The following ARHGEF10L variants were observed in gnomAD, a reference collection of about 807,000 sequenced individuals.
ARHGEF10L encodes the protein Rho guanine nucleotide exchange factor 10 like.
A neutral mutation model predicts 141.2 loss-of-function variants in ARHGEF10L; 69 were observed. That is an observed-to-expected ratio of 0.49 (90% CI 0.40 to 0.60). The LOEUF (loss-of-function observed/expected upper bound fraction) is 0.60. ARHGEF10L is among the 20% of genes least tolerant of loss of function. ARHGEF10L has a pLI of 0.00. For synonymous variants in ARHGEF10L, 711 were observed against 718.5 expected (o/e 0.99, Z 0.17); for missense variants, 1,482 against 1,734.3 (o/e 0.85, Z 2.58).
chr1:17,534,128 AT>A, the ARHGEF10L span, among the ~76,000 whole-genome samples: 47 of 137,680 alleles, frequency 3.4e-4, no homozygotes, highest in East Asian at 2.4e-3. Context: ...CACCTAGCTA[AT>A]TTTTTTTTTT....
the ARHGEF10L span, among the ~76,000 whole-genome samples, chr1:17,529,849 T>G: frequency 1.8e-5 from 2 of 113,480 alleles, no homozygotes; most frequent in African/African-American, 3.4e-5. Flanking sequence ...TTTTTTTTTT[T>G]GAGACGCAAT....
intron 21 of ARHGEF10L, 102 bp downstream of exon 21, chr1:17,640,404 G>A: frequency 1.0e-6 from 1 of 992,064 alleles, no homozygotes; most frequent in Non-Finnish European, 1.5e-6. Context: ...GTCAGCGGGG[G>A]GCAGGGAGGC....
At chr1:17,593,974 G>A (rs1253862855) in intron 4 of ARHGEF10L, among the ~76,000 whole-genome samples, 2 of 149,752 alleles carry the variant, frequency 1.3e-5, no homozygotes, top group Non-Finnish European at 3.0e-5. Flanking sequence ...GTGCATCTAG[G>A]ATGGTGCTCT....
chr1:17,650,732 CAAAAAAA>C (rs71575854), intron 22 of ARHGEF10L, among the ~76,000 whole-genome samples: 1 of 77,910 alleles, frequency 1.3e-5, no homozygotes, highest in Non-Finnish European at 2.5e-5. Context: ...GACCCTGTCT[CAAAAAAA>C]AAAAAAAAAA....
intron 21 of ARHGEF10L, among the ~76,000 whole-genome samples, chr1:17,648,352 A>G (rs535580180): frequency 1.3e-5 from 2 of 151,748 alleles, no homozygotes; most frequent in South Asian, 4.2e-4. Context: ...TTGTTTTTCA[A>G]CTCCCTGCCT....
intron 26 of ARHGEF10L, among the ~76,000 whole-genome samples, chr1:17,665,657 T>C (rs1033725251): frequency 2.6e-5 from 4 of 152,184 alleles, no homozygotes; most frequent in East Asian, 1.9e-4. Flanking sequence ...CAGTCTGTAA[T>C]GGGAATAAGT....
chr1:17,662,935 C>G (rs1278378347), intron 25 of ARHGEF10L, among the ~76,000 whole-genome samples: 1 of 152,096 alleles, frequency 6.6e-6, no homozygotes, highest in African/African-American at 2.4e-5. Flanking sequence ...CTAGCTGTGT[C>G]CTGCCTTCTA....
At position 17,644,181 on chromosome 1, in the gene ARHGEF10L, C is replaced by T. The variant is rs369808461; in HGVS notation, c.2272+3879C>T. 6.6e-6 allele frequency among the ~76,000 whole-genome samples: 1 copy of T among 152,274 alleles called. No homozygotes were observed. The highest frequency in any genetic ancestry group is 1.5e-5 in the Non-Finnish European group (1 of 68,050). On this transcript the variant is annotated intron_variant, in intron 21 of 28. Transcript: ENST00000361221. This position sits in a 1 kb window ranked among gnomAD's most constrained non-coding sequence, Gnocchi z 4.5. ...AACCAGGTGGCCCAAGGCAGTGAGC[C>T]TGAGCGCAGGGCTGGGCCCTCCCTT...
chr1:17,655,106 T>A lies in ARHGEF10L; in HGVS notation c.2481+384T>A, dbSNP rs142123921. Among the ~76,000 whole-genome samples, 194 of 152,306 alleles carry A rather than the reference T, an allele frequency of 1.3e-3. 1 individual carries two copies. Among genetic ancestry groups the A allele is most frequent in the African/African-American group, 4.5e-3 (189 of 41,572 alleles). On this transcript the variant is annotated intron_variant, in intron 23 of 28. Coordinates refer to ENST00000361221, the MANE Select transcript of ARHGEF10L (RefSeq NM_018125.4). ...CCCACCTTTCTATCCTTGGGCTTCC[T>A]GGCAAAGCCTCCCTTGATTCAAGTG...
chr1:17,679,339 T>C (rs2063932954), intron 26 of ARHGEF10L, among the ~76,000 whole-genome samples: 1 of 152,098 alleles, frequency 6.6e-6, no homozygotes, highest in Non-Finnish European at 1.5e-5. Context: ...GGCAGGAGTG[T>C]TGGGGAATCA....
chr1:17,681,862 G>A (rs1002866619), intron 26 of ARHGEF10L, among the ~76,000 whole-genome samples: 2 of 152,080 alleles, frequency 1.3e-5, no homozygotes, highest in Non-Finnish European at 2.9e-5. Context: ...GTGATCCTTG[G>A]TGATTGCTAA....
intron 26 of ARHGEF10L, among the ~76,000 whole-genome samples, chr1:17,666,402 CA>C (rs1251249456): frequency 6.6e-6 from 1 of 152,132 alleles, no homozygotes; most frequent in African/African-American, 2.4e-5. Flanking sequence ...GTGCCATGTG[CA>C]GGACCAGTGG....
At chr1:17,572,051 G>A (rs1345915968) in intron 1 of ARHGEF10L, among the ~76,000 whole-genome samples, 1 of 152,208 alleles carries the variant, frequency 6.6e-6, no homozygotes, top group Non-Finnish European at 1.5e-5. Context: ...GATGGGCAGG[G>A]GACCCCTGCA....
At chr1:17,671,776 T>C (rs1004758325) in intron 26 of ARHGEF10L, among the ~76,000 whole-genome samples, 4 of 152,186 alleles carry the variant, frequency 2.6e-5, no homozygotes, top group African/African-American at 7.2e-5. Flanking sequence ...GGGCCGGTTA[T>C]GGGATTAACC....
intron 1 of ARHGEF10L, among the ~76,000 whole-genome samples, chr1:17,551,084 G>T (rs566921914): frequency 6.6e-6 from 1 of 152,184 alleles, no homozygotes; most frequent in African/African-American, 2.4e-5. Flanking sequence ...TCACACCAAG[G>T]GGGGCAGTCC....
In ARHGEF10L at chr1:17,607,921, G is replaced by A; in HGVS notation, c.553G>A (p.Ala185Thr). 2 of 1,526,846 alleles carry A rather than the reference G, an allele frequency of 1.3e-6. No individual in the cohort carries two copies. 94.6% of individuals were successfully genotyped at this position (1,526,846 alleles called of 1,614,324 possible). A position where few individuals can be genotyped will look rare whatever the true frequency, so the allele number is the denominator to read the frequency against. The stretch of plus-strand genomic sequence containing the variant: ...CTACAGCGAGGACTCGGGGGAGGAG[G>A]CCAAGCCGGAGGTCGAGGTCGAGCC... ...ESYSEDSGEE[A>T]KPEVEVEPAK... Residue 185 changes from alanine (A) to threonine (T), a missense_variant, in exon 7 of 29, where the codon GCC becomes ACC. Coordinates refer to ENST00000361221, the MANE Select transcript of ARHGEF10L (RefSeq NM_018125.4). This position sits in a 1 kb window ranked among gnomAD's most constrained non-coding sequence, Gnocchi z 4.5.
chr1:17,575,368 A>G (rs762373459), intron 1 of ARHGEF10L, among the ~76,000 whole-genome samples: 10 of 152,266 alleles, frequency 6.6e-5, no homozygotes, highest in Non-Finnish European at 1.2e-4. Flanking sequence ...ACTGTGTGAA[A>G]TGGGTCTAAG....
At chr1:17,518,982 C>G in the ARHGEF10L span, among the ~76,000 whole-genome samples, 2 of 151,546 alleles carry the variant, frequency 1.3e-5, no homozygotes, top group Non-Finnish European at 1.5e-5. Flanking sequence ...CCAGCCCCAG[C>G]CTGACCAACA....
chr1:17,632,279 G>C, intron 15 of ARHGEF10L, 42 bp from the exon 16 acceptor site: 3 of 1,607,590 alleles, frequency 1.9e-6, no homozygotes, highest in Non-Finnish European at 2.5e-6. Flanking sequence ...TAAAGCCGCC[G>C]GGCCGCGATG....
Sources: allele counts gnomAD v4.1 joint callset (sites outside exome capture counted in the v4.1 genomes callset), GRCh38; gene constraint gnomAD v4.1.1; non-coding constraint Gnocchi (gnomAD v3.1); transcripts MANE v1.5; gene names NCBI Gene and HGNC (gene_info 2026-07-23, HGNC 2026-07-21).